The following TLR6 variants were observed in gnomAD, a reference collection of about 807,000 sequenced individuals.
The protein encoded by TLR6 is toll like receptor 6.
A neutral mutation model predicts 16.1 loss-of-function variants in TLR6; 9 were observed. That is an observed-to-expected ratio of 0.56 (90% CI 0.34 to 0.98). TLR6 has a LOEUF of 0.98. Among genes scored for constraint, TLR6 ranks in the 50% least tolerant of loss-of-function variants. TLR6 has a pLI of 0.02. For missense variants in TLR6, 786 were observed against 921.0 expected (o/e 0.85, Z 1.90); for synonymous variants, 340 against 338.6 (o/e 1.00, Z -0.04).
chr4:38,828,881 GT>G lies in TLR6; in HGVS notation c.592del (p.Thr198ProfsTer16), dbSNP rs779630440. On this transcript the variant is annotated frameshift_variant, in exon 2 of 2. Coordinates refer to ENST00000436693, the Ensembl canonical transcript of TLR6. LOFTEE classifies it low-confidence loss of function (END_TRUNC). ...AGTTGGGTGAAAAACAAGGTGAAGG[GT>G]TTTTGCATTCAGAATTTGTAGACTT... The G allele has an allele frequency of 3.1e-6, 5 of 1,612,842 alleles. No homozygotes were observed. Among genetic ancestry groups the G allele is most frequent in the Non-Finnish European group, 4.2e-6 (5 of 1,179,450 alleles).
chr4:38,840,550 C>T (rs1712205188), intron 1 of TLR6, among the ~76,000 whole-genome samples: 1 of 151,422 alleles, frequency 6.6e-6, no homozygotes, highest in South Asian at 2.1e-4. Context: ...AGGAGAATTG[C>T]TTAAACCCGG....
intron 1 of TLR6, among the ~76,000 whole-genome samples, chr4:38,850,908 C>G (rs557794189): frequency 2.0e-4 from 31 of 152,214 alleles, no homozygotes; most frequent in Non-Finnish European, 3.5e-4. Context: ...GATACCAAAG[C>G]CTGGCAGAGA....
the TLR6 span, chr4:38,868,117 C>T: frequency 3.7e-6 from 1 of 269,604 alleles, no homozygotes. Flanking sequence ...ACCCACACGC[C>T]CACACTCAGG....
chr4:38,855,286 G>A (rs17616452), intron 1 of TLR6, among the ~76,000 whole-genome samples: 4,870 of 151,536 alleles, frequency 0.032, 226 homozygotes, highest in African/African-American at 0.089. Flanking sequence ...TGACATATAC[G>A]TAAAAGCTAG....
intron 1 of TLR6, among the ~76,000 whole-genome samples, chr4:38,832,648 C>T (rs1294620635): frequency 1.3e-5 from 2 of 152,150 alleles, no homozygotes; most frequent in African/African-American, 4.8e-5. Context: ...TGTTCTGGGG[C>T]CCAACAACCC....
At chr4:38,862,890 C>A in the TLR6 span, among the ~76,000 whole-genome samples, 1 of 148,444 alleles carries the variant, frequency 6.7e-6, no homozygotes, top group African/African-American at 2.5e-5. Context: ...CCACTACACC[C>A]GGCCCCCAAT....
exon 2 of TLR6, chr4:38,828,879 G>A: frequency 6.2e-7 from 1 of 1,613,080 alleles, no homozygotes; most frequent in South Asian, 1.1e-5. Flanking sequence ...ACAAGGTGAA[G>A]GGTTTTTGCA....
intron 1 of TLR6, among the ~76,000 whole-genome samples, chr4:38,847,716 G>C (rs1466982433): frequency 6.6e-6 from 1 of 152,092 alleles, no homozygotes; most frequent in East Asian, 1.9e-4. Flanking sequence ...CAAACTGCAA[G>C]GTGGCAGTGA....
chr4:38,828,666 A>G (rs1337602981), exon 2 of TLR6: 2 of 1,614,192 alleles, frequency 1.2e-6, no homozygotes, highest in East Asian at 4.5e-5. Flanking sequence ...AGAAATTGAA[A>G]GACTCTGACC....
chr4:38,851,104 A>G (rs1712754868), intron 1 of TLR6, among the ~76,000 whole-genome samples: 5 of 152,242 alleles, frequency 3.3e-5, no homozygotes, highest in Non-Finnish European at 2.9e-5. Flanking sequence ...GTAATCCAGC[A>G]TATAAACAGA....
chr4:38,859,565 C>A (rs1459022639), upstream of TLR6, among the ~76,000 whole-genome samples: 3 of 122,132 alleles, frequency 2.5e-5, no homozygotes, highest in Non-Finnish European at 3.3e-5. Flanking sequence ...GATTATTGGC[C>A]TTTTTTTTTT....
exon 2 of TLR6, chr4:38,825,296 A>G (rs552380385): frequency 6.6e-6 from 1 of 152,308 alleles, no homozygotes; most frequent in South Asian, 2.1e-4. Context: ...GGCCAGTCCA[A>G]TTTAACAGCA....
At chr4:38,847,456 T>C (rs7683189) in intron 1 of TLR6, among the ~76,000 whole-genome samples, 4,736 of 152,000 alleles carry the variant, frequency 0.031, 216 homozygotes, top group African/African-American at 0.087. Context: ...TGGGTGCAGC[T>C]CAATGAGTGT....
chr4:38,843,603 T>A lies in TLR6; in HGVS notation c.-65+13158A>T, dbSNP rs987904327. On this transcript the variant is annotated intron_variant, in intron 1 of 1. Transcript: ENST00000436693. ...TCATCAGAGGATATATTGGAAATAG[T>A]AAAACAGGCAAGAGATGAGTAGAGT... The A allele has an allele frequency of 7.2e-5, 11 of 152,316 alleles. No individual in the cohort carries two copies. The East Asian group carries it at 2.1e-3, about 29-fold the overall frequency. 9.4% of individuals were successfully genotyped at this position (152,316 alleles called of 1,614,324 possible). A position where few individuals can be genotyped will look rare whatever the true frequency, so the allele number is the denominator to read the frequency against.
At chr4:38,834,006 C>T (rs1711765574) in intron 1 of TLR6, among the ~76,000 whole-genome samples, 1 of 151,306 alleles carries the variant, frequency 6.6e-6, no homozygotes, top group African/African-American at 2.4e-5. Flanking sequence ...GTGGGTGGAT[C>T]TCCTGAGGTC....
intron 1 of TLR6, among the ~76,000 whole-genome samples, chr4:38,848,749 A>G (rs1712644028): frequency 6.6e-6 from 1 of 152,200 alleles, no homozygotes; most frequent in African/African-American, 2.4e-5. Context: ...AAAAGAAACA[A>G]ACAAAGCCTC....
chr4:38,860,877 T>G (rs73811236), upstream of TLR6, among the ~76,000 whole-genome samples: 4,711 of 152,096 alleles, frequency 0.031, 206 homozygotes, highest in African/African-American at 0.085. Context: ...AAACAGGAGC[T>G]CACATACATG....
chr4:38,843,594 T>C (rs1484890393), intron 1 of TLR6: 1 of 152,184 alleles, frequency 6.6e-6, no homozygotes, highest in Admixed American at 6.5e-5. Flanking sequence ...GAGGATATAT[T>C]GGAAATAGTA....
upstream of TLR6, among the ~76,000 whole-genome samples, chr4:38,859,496 T>C (rs1713149444): frequency 6.6e-6 from 1 of 152,118 alleles, no homozygotes; most frequent in Non-Finnish European, 1.5e-5. Flanking sequence ...TATGAATCTT[T>C]TTTTCTCAAA....
Sources: allele counts gnomAD v4.1 joint callset (sites outside exome capture counted in the v4.1 genomes callset), GRCh38; gene constraint gnomAD v4.1.1; transcripts MANE v1.5; gene names NCBI Gene and HGNC (gene_info 2026-07-23, HGNC 2026-07-21).